Variants in RPS6KC1 observed in about 807,000 individuals in gnomAD.
RPS6KC1 encodes ribosomal protein S6 kinase C1, also known as inactive ribosomal protein S6 kinase delta-1.
A neutral mutation model predicts 103.8 loss-of-function variants in RPS6KC1; 54 were observed. The observed-to-expected ratio is 0.52, with a 90% CI of 0.42 to 0.65. RPS6KC1 has a LOEUF of 0.65. RPS6KC1 is among the 30% of genes least tolerant of loss of function. RPS6KC1 has a pLI of 0.00. For synonymous variants in RPS6KC1, 439 were observed against 438.7 expected, an observed-to-expected ratio of 1.00 and a Z score of -0.01; for missense variants, 1,151 against 1,253.8, an observed-to-expected ratio of 0.92 and a Z score of 1.24.
chr1:213,306,003 A>T, the RPS6KC1 span, among the ~76,000 whole-genome samples: 12 of 152,230 alleles, frequency 7.9e-5, no homozygotes, highest in African/African-American at 2.7e-4. Context: ...ATGCTTTGGT[A>T]ACAACACCCA....
the RPS6KC1 span, among the ~76,000 whole-genome samples, chr1:213,417,877 T>C: frequency 2.6e-5 from 4 of 152,280 alleles, no homozygotes; most frequent in South Asian, 2.1e-4. Context: ...CCCTGAACCT[T>C]AACTTTTCCA....
chr1:213,185,599 G>A (rs1189067505), intron 8 of RPS6KC1, among the ~76,000 whole-genome samples: 3 of 152,014 alleles, frequency 2.0e-5, no homozygotes, highest in African/African-American at 7.2e-5. Context: ...AGTCAGCTGG[G>A]ATTGCGCCAC....
At chr1:213,834,446 T>G in the RPS6KC1 span, among the ~76,000 whole-genome samples, 1 of 152,168 alleles carries the variant, frequency 6.6e-6, no homozygotes, top group African/African-American at 2.4e-5. Context: ...TCCAATCCAT[T>G]CCCTTGTTAT....
chr1:213,721,088 A>G, the RPS6KC1 span, among the ~76,000 whole-genome samples: 1 of 152,134 alleles, frequency 6.6e-6, no homozygotes, highest in Non-Finnish European at 1.5e-5. Context: ...GGAAATCCAC[A>G]GATTAAAAAG....
chr1:213,109,766 G>A (rs951031976), intron 4 of RPS6KC1, among the ~76,000 whole-genome samples: 1 of 151,650 alleles, frequency 6.6e-6, no homozygotes, highest in African/African-American at 2.4e-5. Flanking sequence ...TGACATACAA[G>A]TTCTTGTGCA....
At chr1:213,486,907 G>T in the RPS6KC1 span, among the ~76,000 whole-genome samples, 1 of 152,142 alleles carries the variant, frequency 6.6e-6, no homozygotes, top group Non-Finnish European at 1.5e-5. Flanking sequence ...CCTTGAAATT[G>T]GATAATTATA....
the RPS6KC1 span, among the ~76,000 whole-genome samples, chr1:213,470,017 G>T: frequency 6.6e-6 from 1 of 152,138 alleles, no homozygotes; most frequent in Non-Finnish European, 1.5e-5. Context: ...GTGACAACCT[G>T]GGTGACAACC....
the RPS6KC1 span, among the ~76,000 whole-genome samples, chr1:213,625,395 G>A: frequency 2.0e-5 from 3 of 150,458 alleles, no homozygotes; most frequent in African/African-American, 7.4e-5. Flanking sequence ...TTTGAAATTT[G>A]CTTTTGTTTC....
chr1:213,152,537 A>G (rs1380312812), intron 6 of RPS6KC1, among the ~76,000 whole-genome samples: 1 of 141,524 alleles, frequency 7.1e-6, no homozygotes, highest in African/African-American at 2.7e-5. Flanking sequence ...GCGGCCGGGT[A>G]GAGATGCTCC....
the RPS6KC1 span, among the ~76,000 whole-genome samples, chr1:213,728,948 G>GTTTTTTTTTTTTTTTTTTTTT: frequency 4.4e-5 from 4 of 91,286 alleles, no homozygotes; most frequent in African/African-American, 4.6e-5. Flanking sequence ...TTTTTTTTTT[G>GTTTTTTTTTTTTTTTTTTTTT]TTTTTTTTTT....
At chr1:213,711,463 T>G in the RPS6KC1 span, among the ~76,000 whole-genome samples, 1 of 152,184 alleles carries the variant, frequency 6.6e-6, no homozygotes, top group Admixed American at 6.5e-5. Context: ...ACATGCTCCT[T>G]AAGCTCAGAG....
chr1:213,160,722 C>G (rs1026131058), intron 6 of RPS6KC1, among the ~76,000 whole-genome samples: 1 of 151,566 alleles, frequency 6.6e-6, no homozygotes, highest in Non-Finnish European at 1.5e-5. Flanking sequence ...AAGCTGGAAA[C>G]ATAATTCTGA....
intron 6 of RPS6KC1, among the ~76,000 whole-genome samples, chr1:213,156,454 C>T (rs2089899084): frequency 1.3e-5 from 2 of 152,120 alleles, no homozygotes; most frequent in African/African-American, 4.8e-5. Flanking sequence ...AAGCTTTCCA[C>T]ATTTAATAAA....
intron 8 of RPS6KC1, among the ~76,000 whole-genome samples, chr1:213,229,148 G>A (rs2094028536): frequency 6.6e-6 from 1 of 152,102 alleles, no homozygotes; most frequent in African/African-American, 2.4e-5. Flanking sequence ...ATATTGTATT[G>A]AAATTAATGG....
the RPS6KC1 span, among the ~76,000 whole-genome samples, chr1:213,397,762 A>G: frequency 2.0e-5 from 3 of 152,190 alleles, no homozygotes; most frequent in African/African-American, 7.2e-5. Flanking sequence ...TCAAAGAGCT[A>G]GGCAGGAGAG....
the RPS6KC1 span, among the ~76,000 whole-genome samples, chr1:213,467,625 G>T: frequency 6.6e-6 from 1 of 152,182 alleles, no homozygotes; most frequent in Non-Finnish European, 1.5e-5. Context: ...TGAAGAAATA[G>T]ATTGGGATTG....
At chr1:213,132,518 A>C (rs757624929) in intron 6 of RPS6KC1, among the ~76,000 whole-genome samples, 6 of 152,210 alleles carry the variant, frequency 3.9e-5, no homozygotes, top group South Asian at 2.1e-4. Context: ...CTGTACTAGC[A>C]TACTAGTCAC....
chr1:213,353,939 G>A, the RPS6KC1 span, among the ~76,000 whole-genome samples: 2 of 152,164 alleles, frequency 1.3e-5, no homozygotes, highest in East Asian at 3.8e-4. Flanking sequence ...AGGCACAGAG[G>A]GCCATCTCAG....
chr1:213,157,892 A>G lies in RPS6KC1; in HGVS notation c.836-9966A>G, dbSNP rs1461397055. On this transcript the variant is annotated intron_variant, in intron 6 of 14. Coordinates refer to ENST00000366960, the MANE Select transcript of RPS6KC1 (RefSeq NM_012424.6). ...GTTTATAGTTATAGTTTCCTGATTA[A>G]TATAACCTTTTAATGTTATAAAATG... Among the ~76,000 whole-genome samples, 3 of 152,172 alleles carry G rather than the reference A, an allele frequency of 2.0e-5. No individual in the cohort carries two copies. In the East Asian group the frequency reaches 5.8e-4, roughly 29 times the overall value.
Sources: gnomAD v4.1 joint callset for allele counts (sites outside exome capture counted in the v4.1 genomes callset) on GRCh38, gnomAD v4.1.1 for gene constraint, MANE v1.5 for transcripts, NCBI Gene and HGNC (gene_info 2026-07-23, HGNC 2026-07-21) for gene names.